The following GLIS3 variants were observed in gnomAD, a reference collection of about 807,000 sequenced individuals.
The protein encoded by GLIS3 is GLIS family zinc finger 3.
GLIS3 carries 53 observed loss-of-function variants against 78.6 expected under a neutral mutation model. The ratio of observed to expected loss-of-function variants is 0.67; its 90% CI spans 0.54 to 0.85. The LOEUF (loss-of-function observed/expected upper bound fraction) is 0.85. GLIS3 is among the 40% of genes least tolerant of loss of function. The pLI, the probability that GLIS3 is intolerant of heterozygous loss-of-function variation, is 0.00. For synonymous variants in GLIS3, 684 were observed against 509.9 expected (o/e 1.34, Z -4.60); for missense variants, 1,703 against 1,231.1 (o/e 1.38, Z -5.74).
intron 2 of GLIS3, among the ~76,000 whole-genome samples, chr9:4,275,603 T>TTA (rs1554645339): frequency 2.2e-5 from 3 of 139,392 alleles, no homozygotes; most frequent in African/African-American, 8.0e-5. Context: ...CTACAAAAAT[T>TTA]AAAAAAAAAA....
upstream of GLIS3, among the ~76,000 whole-genome samples, chr9:4,352,927 G>C (rs1817993206): frequency 6.6e-6 from 1 of 152,198 alleles, no homozygotes; most frequent in Admixed American, 6.5e-5. Flanking sequence ...CATTTAGTAG[G>C]TGTAAGTAGC....
intron 4 of GLIS3, among the ~76,000 whole-genome samples, chr9:4,055,613 A>G (rs1304149580): frequency 2.6e-5 from 4 of 152,202 alleles, no homozygotes; most frequent in Non-Finnish European, 4.4e-5. Flanking sequence ...TGTGAAGCAA[A>G]TATGTTGCTC....
chr9:4,410,136 A>ATTT, the GLIS3 span, among the ~76,000 whole-genome samples: 17 of 136,336 alleles, frequency 1.2e-4, no homozygotes, highest in Middle Eastern at 7.9e-3. Flanking sequence ...ATGCCCGGCT[A>ATTT]TTTTTTTTTT....
intron 2 of GLIS3, among the ~76,000 whole-genome samples, chr9:4,196,664 G>T (rs1054714229): frequency 6.6e-6 from 1 of 152,138 alleles, no homozygotes; most frequent in Non-Finnish European, 1.5e-5. Flanking sequence ...CCAAAAGGAA[G>T]AAACTCCGAA....
the GLIS3 span, among the ~76,000 whole-genome samples, chr9:4,458,464 T>A: frequency 6.6e-6 from 1 of 152,064 alleles, no homozygotes; most frequent in African/African-American, 2.4e-5. Flanking sequence ...ATGATGGTGA[T>A]GGTGGTGGAA....
rs558224958 is a variant in GLIS3 at position 4,150,280 on chromosome 9, A to G, written c.389-24339T>C. On this transcript the variant is annotated intron_variant, in intron 2 of 10. Transcript: ENST00000381971. ...ACTTTGATCTTACACAACTGGACTG[A>G]CCTAAAAGCAGAGTCCAACCAGCCA... is the stretch of plus-strand genomic sequence containing the variant. Among the ~76,000 whole-genome samples, 33 of 152,334 alleles carry G rather than the reference A, an allele frequency of 2.2e-4. No individual in the cohort carries two copies. The East Asian group carries it at 4.4e-3, about 20-fold the overall frequency.
chr9:4,354,428 A>G, the GLIS3 span, among the ~76,000 whole-genome samples: 2 of 152,058 alleles, frequency 1.3e-5, no homozygotes, highest in African/African-American at 4.8e-5. Context: ...GTGGGTGATT[A>G]TTTCTTTTCT....
intron 2 of GLIS3, among the ~76,000 whole-genome samples, chr9:4,276,414 AAGGGGAGGGG>A (rs1246671968): frequency 2.1e-3 from 12 of 5,810 alleles, no homozygotes; most frequent in South Asian, 0.012. Context: ...GAGGGGAGGG[AAGGGGAGGGG>A]AGGGAAGGGG....
intron 2 of GLIS3, among the ~76,000 whole-genome samples, chr9:4,141,675 AT>A (rs1833827920): frequency 6.6e-6 from 1 of 152,346 alleles, no homozygotes; most frequent in African/African-American, 2.4e-5. Flanking sequence ...GTATACATAA[AT>A]TGGTAGAATA....
chr9:4,119,766 C>T (rs752231989), intron 3 of GLIS3, among the ~76,000 whole-genome samples: 3 of 152,344 alleles, frequency 2.0e-5, no homozygotes, highest in Admixed American at 6.5e-5. Context: ...CCCTATGTCT[C>T]ACAATATATT....
chr9:4,172,791 C>T (rs1300892036), intron 2 of GLIS3, among the ~76,000 whole-genome samples: 2 of 152,162 alleles, frequency 1.3e-5, no homozygotes, highest in Admixed American at 1.3e-4. Flanking sequence ...GTTAGAAAGA[C>T]TGCAAGCTCC....
rs1817676885 is a variant in GLIS3 at position 3,825,461 on chromosome 9, CTT to C, written c.*2809_*2810del. 6.6e-6 allele frequency: 1 copy of C among 151,750 alleles called. No homozygotes were observed. Among genetic ancestry groups the C allele is most frequent in the African/African-American group, 2.4e-5 (1 of 41,280 alleles). 9.4% of individuals were successfully genotyped at this position (151,750 alleles called of 1,614,324 possible). A position where few individuals can be genotyped will look rare whatever the true frequency, so the allele number is the denominator to read the frequency against. On this transcript the variant is annotated 3_prime_UTR_variant, in exon 11 of 11. Coordinates refer to ENST00000381971, the MANE Select transcript of GLIS3 (RefSeq NM_001042413.2). ...TTTTTTAATGCAATAGGATAATTGT[CTT>C]TGCGCTGTGTGTTTTCACAAGCACT...
chr9:4,280,248 C>A (rs2130276570), intron 2 of GLIS3, among the ~76,000 whole-genome samples: 1 of 152,362 alleles, frequency 6.6e-6, no homozygotes, highest in Admixed American at 6.5e-5. Context: ...GTCTTGAGCT[C>A]CTGGCCTCAA....
intron 2 of GLIS3, among the ~76,000 whole-genome samples, chr9:4,282,242 A>T (rs1827625274): frequency 6.6e-6 from 1 of 152,190 alleles, no homozygotes; most frequent in African/African-American, 2.4e-5. Flanking sequence ...CAAAGCAATG[A>T]TACTGCTTTG....
At chr9:4,391,253 C>G in the GLIS3 span, among the ~76,000 whole-genome samples, 1 of 152,186 alleles carries the variant, frequency 6.6e-6, no homozygotes, top group Non-Finnish European at 1.5e-5. Flanking sequence ...GGGTACCTCA[C>G]CTCCAGAAGA....
intron 4 of GLIS3, among the ~76,000 whole-genome samples, chr9:4,062,223 A>G (rs1826713175): frequency 6.6e-6 from 1 of 152,246 alleles, no homozygotes; most frequent in South Asian, 2.1e-4. Flanking sequence ...TGCCTTAGCG[A>G]CTAATTTAGG....
At chr9:4,228,216 A>AAG (rs1554627089) in intron 2 of GLIS3, among the ~76,000 whole-genome samples, 14 of 150,330 alleles carry the variant, frequency 9.3e-5, no homozygotes, top group African/African-American at 2.9e-4. Flanking sequence ...AAAAAAAAAA[A>AAG]AAGAAGAAGA....
chr9:4,208,977 CTCTTGAGAACACT>C (rs1820126549), intron 2 of GLIS3, among the ~76,000 whole-genome samples: 1 of 152,192 alleles, frequency 6.6e-6, no homozygotes, highest in Non-Finnish European at 1.5e-5. Flanking sequence ...TCATAAAGCA[CTCTTGAGAACACT>C]TCCCATAAAT....
intron 4 of GLIS3, among the ~76,000 whole-genome samples, chr9:4,022,893 C>T (rs1028493935): frequency 3.3e-5 from 5 of 152,086 alleles, no homozygotes; most frequent in East Asian, 1.9e-4. Flanking sequence ...CCCAGATCAG[C>T]GGCTGTCTGG....
Sources: allele counts gnomAD v4.1 joint callset (sites outside exome capture counted in the v4.1 genomes callset), GRCh38; gene constraint gnomAD v4.1.1; transcripts MANE v1.5; gene names NCBI Gene and HGNC (gene_info 2026-07-23, HGNC 2026-07-21).